CDH18: variants seen among roughly 807,000 people sequenced by gnomAD.
The protein encoded by CDH18 is cadherin-18.
Under a neutral mutation model 67.9 loss-of-function variants are expected in CDH18, and 31 were observed. The ratio of observed to expected loss-of-function variants is 0.46; its 90% CI spans 0.34 to 0.62. CDH18 has a LOEUF of 0.62. Among genes scored for constraint, CDH18 ranks in the 20% least tolerant of loss-of-function variants. The pLI is 0.01. For synonymous variants in CDH18, 362 were observed against 347.2 expected (o/e 1.04, Z -0.48); for missense variants, 890 against 975.5 (o/e 0.91, Z 1.17).
intron 1 of CDH18, among the ~76,000 whole-genome samples, chr5:20,571,628 A>G (rs184862950): frequency 2.0e-5 from 3 of 152,238 alleles, no homozygotes; most frequent in African/African-American, 7.2e-5. Flanking sequence ...TAAATTTTCA[A>G]ACAGAGAAAA....
At chr5:19,667,915 T>C (rs1758190843) in intron 5 of CDH18, among the ~76,000 whole-genome samples, 1 of 151,960 alleles carries the variant, frequency 6.6e-6, no homozygotes, top group African/African-American at 2.4e-5. Flanking sequence ...ATTTTAGTTG[T>C]ATTTCTTACT....
intron 1 of CDH18, among the ~76,000 whole-genome samples, chr5:20,522,611 A>G (rs1755815187): frequency 6.6e-6 from 1 of 152,184 alleles, no homozygotes; most frequent in Admixed American, 6.6e-5. Context: ...AATGTGAGGC[A>G]GTAGTAGAGA....
At chr5:20,364,961 G>A (rs925958762) in intron 1 of CDH18, among the ~76,000 whole-genome samples, 1 of 152,166 alleles carries the variant, frequency 6.6e-6, no homozygotes, top group Non-Finnish European at 1.5e-5. Context: ...AAACATTTAT[G>A]TAAGTATCTG....
intron 3 of CDH18, among the ~76,000 whole-genome samples, chr5:19,805,009 C>A (rs1210457164): frequency 6.6e-6 from 1 of 151,598 alleles, no homozygotes; most frequent in African/African-American, 2.4e-5. Flanking sequence ...CCATGGCACA[C>A]AATCTCAACT....
chr5:19,958,205 G>T (rs1434862260), intron 2 of CDH18, among the ~76,000 whole-genome samples: 1 of 151,362 alleles, frequency 6.6e-6, no homozygotes. Context: ...GAGCACCCTG[G>T]ATCCCTAAAT....
At chr5:19,741,553 T>C (rs927252714) in intron 4 of CDH18, among the ~76,000 whole-genome samples, 1 of 152,150 alleles carries the variant, frequency 6.6e-6, no homozygotes, top group Non-Finnish European at 1.5e-5. Context: ...GTTTTCATAC[T>C]ATTGTGCACT....
intron 1 of CDH18, among the ~76,000 whole-genome samples, chr5:20,272,417 T>C (rs1745503809): frequency 6.6e-6 from 1 of 152,014 alleles, no homozygotes; most frequent in African/African-American, 2.4e-5. Flanking sequence ...AGGGAAGGCT[T>C]TGACACAGTA....
At chr5:20,130,386 G>A (rs1749170439) in intron 2 of CDH18, among the ~76,000 whole-genome samples, 1 of 124,174 alleles carries the variant, frequency 8.1e-6, no homozygotes, top group Admixed American at 9.9e-5. Context: ...GAGAGGTAGA[G>A]TTCTCTCTTC....
At chr5:20,231,611 AAAAAGAAAAGAAAAG>A (rs534468710) in intron 2 of CDH18, among the ~76,000 whole-genome samples, 2 of 151,858 alleles carry the variant, frequency 1.3e-5, no homozygotes, top group East Asian at 3.9e-4. Context: ...AAAAAGAAAA[AAAAAGAAAAGAAAAG>A]AAAAGAAAGG....
intron 1 of CDH18, among the ~76,000 whole-genome samples, chr5:20,329,768 CAAAAA>C (rs60246535): frequency 6.1e-4 from 38 of 62,566 alleles, no homozygotes; most frequent in East Asian, 2.5e-3. Flanking sequence ...GAAACTCCAT[CAAAAA>C]AAAAAAAAAA....
At chr5:19,887,218 T>C (rs1260767696) in intron 2 of CDH18, among the ~76,000 whole-genome samples, 1 of 151,724 alleles carries the variant, frequency 6.6e-6, no homozygotes, top group Non-Finnish European at 1.5e-5. Flanking sequence ...AATTAGCTTA[T>C]ACCAAAAACG....
chr5:20,113,560 A>C (rs958565760), intron 2 of CDH18, among the ~76,000 whole-genome samples: 4 of 152,224 alleles, frequency 2.6e-5, no homozygotes, highest in Non-Finnish European at 5.9e-5. Context: ...AGTAATAAAA[A>C]TGGTTTGCTT....
chr5:20,164,873 G>T (rs985537160), intron 2 of CDH18, among the ~76,000 whole-genome samples: 3 of 151,994 alleles, frequency 2.0e-5, no homozygotes, highest in African/African-American at 7.2e-5. Flanking sequence ...TCATATTGTT[G>T]TTGACTTCAT....
At chr5:20,019,418 C>G (rs1052176754) in intron 2 of CDH18, among the ~76,000 whole-genome samples, 8 of 152,230 alleles carry the variant, frequency 5.3e-5, no homozygotes, top group Non-Finnish European at 1.2e-4. Flanking sequence ...ACTCTCATGT[C>G]AAATTGTAAC....
At chr5:20,019,264 G>A (rs1364920968) in intron 2 of CDH18, among the ~76,000 whole-genome samples, 1 of 152,174 alleles carries the variant, frequency 6.6e-6, no homozygotes, top group African/African-American at 2.4e-5. Context: ...ACTCACTAAT[G>A]TTAAGAAATG....
At chr5:19,613,102 G>T (rs941399207) in intron 5 of CDH18, among the ~76,000 whole-genome samples, 1 of 152,144 alleles carries the variant, frequency 6.6e-6, no homozygotes, top group Admixed American at 6.5e-5. Context: ...CGGAGATCAC[G>T]CCACTGCACT....
chr5:20,390,987 G>T (rs550652802), intron 1 of CDH18, among the ~76,000 whole-genome samples: 1 of 152,114 alleles, frequency 6.6e-6, no homozygotes, highest in African/African-American at 2.4e-5. Context: ...CCTGTTGTGG[G>T]GTGGGGGAAG....
intron 2 of CDH18, among the ~76,000 whole-genome samples, chr5:20,197,911 G>A (rs545037710): frequency 2.0e-5 from 3 of 152,214 alleles, no homozygotes; most frequent in African/African-American, 7.2e-5. Flanking sequence ...GGACCAGGTG[G>A]AGATAATTGA....
intron 6 of CDH18, among the ~76,000 whole-genome samples, chr5:19,602,093 A>T (rs1747234924): frequency 6.6e-6 from 1 of 152,174 alleles, no homozygotes; most frequent in Non-Finnish European, 1.5e-5. Flanking sequence ...TGGAAATCCT[A>T]GCCAGAGTAA....
Sources: gnomAD v4.1 joint callset for allele counts (sites outside exome capture counted in the v4.1 genomes callset) on GRCh38, gnomAD v4.1.1 for gene constraint, MANE v1.5 for transcripts, NCBI Gene and HGNC (gene_info 2026-07-23, HGNC 2026-07-21) for gene names.